Variants in MAP2K7 observed in about 807,000 individuals in gnomAD.
MAP2K7 encodes the protein mitogen-activated protein kinase kinase 7.
In MAP2K7, 12 loss-of-function variants were observed where a neutral mutation model predicts 47.7. The ratio of observed to expected loss-of-function variants is 0.25; its 90% CI spans 0.16 to 0.41. The LOEUF is 0.41. Ranked by LOEUF, MAP2K7 falls within the 10% of genes least tolerant of loss-of-function variation. The probability of loss-of-function intolerance (pLI) is 1.00; values close to 1 mark genes in which losing one functional copy is unlikely to be tolerated. For synonymous variants in MAP2K7, 299 were observed against 243.0 expected (o/e 1.23, Z -2.14); for missense variants, 415 against 600.3 (o/e 0.69, Z 3.23).
Position 7,912,411 on chromosome 19 carries a change from C to T in MAP2K7, c.1240C>T (p.His414Tyr), listed in dbSNP as rs776620038. The change falls in exon 11 of 11, where the codon CAC becomes TAC. Residue 414 changes from histidine to tyrosine, a missense_variant. Physicochemically the swap from His to Tyr is moderately conservative, Grantham distance 83. Around this residue, in one of 3 missense-constraint regions of MAP2K7, gnomAD observed 94 missense variants for 105.2 expected, o/e 0.89. Transcript: ENST00000397979. Reference sequence around the variant, plus strand: ...GACTAGCGGCGTCCTGAGCCAGCCCCACCTGCCCTTCTTCAGGTAGCTGCT... The same window carrying T: ...GACTAGCGGCGTCCTGAGCCAGCCCTACCTGCCCTTCTTCAGGTAGCTGCT... ...PRTSGVLSQPHLPFFR is the reference protein window; with the variant it reads ...PRTSGVLSQPYLPFFR 2 of 1,612,468 alleles carry T rather than the reference C, an allele frequency of 1.2e-6. No individual in the cohort carries two copies. The highest frequency in any genetic ancestry group is 1.1e-5 in the South Asian group (1 of 91,078).
In MAP2K7 at chr19:7,913,956, T is replaced by A. The variant is rs749435443; in HGVS notation, c.*1525T>A. On this transcript the variant is annotated 3_prime_UTR_variant, in exon 11 of 11. Transcript: ENST00000397979. ...TGTTTAAAAAGTCATAGATGTCATC[T>A]TCTCTCTGCCCCCAGGGAGGAAAGC... The A allele has an allele frequency of 6.6e-6, 1 of 152,322 alleles. No homozygotes were observed. The allele number at this position is 152,322 out of a possible 1,614,324, so 9.4% of individuals were successfully genotyped here.
In MAP2K7 at chr19:7,910,571, A is replaced by G. The variant is rs199553372; in HGVS notation, c.566A>G (p.Asn189Ser). The change falls in exon 5 of 11, where the codon AAC becomes AGC. Residue 189 changes from asparagine (N) to serine (S), a missense_variant and splice_region_variant. By Grantham distance (46) the Asn-to-Ser change is conservative. This residue lies in a region of MAP2K7 where 206 missense variants were observed against 368.8 expected (regional missense o/e 0.56). Transcript: ENST00000397979. ...IVQCFGTFIT[N>S]TDVFIAMELM... Reference sequence around the variant, plus strand: ...CAGTGCTTTGGGACGTTCATCACCAACGTGAGTACCTGGCCGCGCCCTGCA... The same window carrying G: ...CAGTGCTTTGGGACGTTCATCACCAGCGTGAGTACCTGGCCGCGCCCTGCA... 1.1e-4 allele frequency: 185 copies of G among 1,613,358 alleles called. No homozygotes were observed. Among genetic ancestry groups the G allele is most frequent in the Non-Finnish European group, 1.6e-4 (183 of 1,179,958 alleles).
Position 7,909,908 on chromosome 19 carries a change from GC to G in MAP2K7, c.266+15del, listed in dbSNP as rs1568277313. 6.6e-7 allele frequency: 1 copy of G among 1,508,360 alleles called. No homozygotes were observed. The highest frequency in any genetic ancestry group is 2.2e-5 in the Admixed American group (1 of 45,158). 93.4% of individuals were successfully genotyped at this position (1,508,360 alleles called of 1,614,324 possible). On this transcript the variant is annotated intron_variant, in intron 2 of 10. Coordinates refer to ENST00000397979, the MANE Select transcript of MAP2K7 (RefSeq NM_145185.4). The stretch of plus-strand genomic sequence containing the variant: ...CGCAGCATGGAGAGGTGAGCCAGGG[GC>G]CCAGCAGGGTTGGGTGGGAAGCAGC...
rs777399503 is a variant in MAP2K7 at position 7,910,677 on chromosome 19, G to C, written c.568-19G>C. 1.2e-6 allele frequency: 2 copies of C among 1,606,748 alleles called. No individual in the cohort carries two copies. Among genetic ancestry groups the C allele is most frequent in the Non-Finnish European group, 1.7e-6 (2 of 1,175,568 alleles). On this transcript the variant is annotated intron_variant, in intron 5 of 10. Coordinates refer to ENST00000397979, the MANE Select transcript of MAP2K7 (RefSeq NM_145185.4). Reference sequence around the variant, plus strand: ...TGGGCCGGAAGACACAGCTCCCCCGGGTGCCCCTCTCCCTGCAGACGGACG... The same window carrying C: ...TGGGCCGGAAGACACAGCTCCCCCGCGTGCCCCTCTCCCTGCAGACGGACG...
rs1471062365 is a variant in MAP2K7 at position 7,914,001 on chromosome 19, GC to G, written c.*1574del. On this transcript the variant is annotated 3_prime_UTR_variant, in exon 11 of 11. Coordinates refer to ENST00000397979, the MANE Select transcript of MAP2K7 (RefSeq NM_145185.4). ...GAAAGCCACCTTCTCTTGCCCCTTG[GC>G]CCCTTTGTCAGGGGCCAGGGGTCTG... 2.0e-5 allele frequency: 3 copies of G among 151,914 alleles called. No individual in the cohort carries two copies. The East Asian group carries it at 5.8e-4, about 30-fold the overall frequency. 9.4% of individuals were successfully genotyped at this position (151,914 alleles called of 1,614,324 possible). A position where few individuals can be genotyped will look rare whatever the true frequency, so the allele number is the denominator to read the frequency against.
At chr19:7,904,851 C>T (rs934550560) in intron 1 of MAP2K7, among the ~76,000 whole-genome samples, 2 of 152,106 alleles carry the variant, frequency 1.3e-5, no homozygotes, top group African/African-American at 2.4e-5. Flanking sequence ...GATGGCTCCC[C>T]TTCCCTTCAC....
intron 1 of MAP2K7, chr19:7,906,090 G>A: frequency 3.6e-6 from 2 of 561,716 alleles, no homozygotes; most frequent in East Asian, 5.8e-5. Flanking sequence ...TGGACTCCCT[G>A]GAGGAGGAGG....
rs751828868 is a variant in MAP2K7 at position 7,910,754 on chromosome 19, G to A, written c.626G>A (p.Arg209Gln). 23 of 1,611,810 alleles carry A rather than the reference G, an allele frequency of 1.4e-5. No individual in the cohort carries two copies. The highest frequency in any genetic ancestry group is 1.2e-4 in the Admixed American group (7 of 59,906). The change falls in exon 6 of 11, where the codon CGG becomes CAG. Residue 209 changes from arginine to glutamine, a missense_variant. Coordinates refer to ENST00000397979, the MANE Select transcript of MAP2K7 (RefSeq NM_145185.4). ...ACCTGCGCTGAGAAGCTCAAGAAGC[G>A]GATGCAGGGCCCCATCCCCGAGCGC... is the stretch of plus-strand genomic sequence containing the variant. ...MGTCAEKLKK[R>Q]MQGPIPERIL...
intron 4 of MAP2K7, 25 bp from the exon 5 acceptor site, chr19:7,910,428 C>T (rs772722551): frequency 2.5e-6 from 4 of 1,603,132 alleles, no homozygotes; most frequent in Admixed American, 1.7e-5. Flanking sequence ...GGTGCTGAGG[C>T]TCCCTCCTGT....
At chr19:7,907,885 C>T (rs1445771943) in intron 1 of MAP2K7, among the ~76,000 whole-genome samples, 7 of 152,108 alleles carry the variant, frequency 4.6e-5, no homozygotes, top group Admixed American at 3.3e-4. Context: ...GAGCACAGGC[C>T]CTCGGGAGCC....
Position 7,911,060 on chromosome 19 carries a change from C to T in MAP2K7, c.756C>T (p.Asp252=), listed in dbSNP as rs550738307. 2.7e-5 allele frequency: 43 copies of T among 1,612,724 alleles called. No individual in the cohort carries two copies. The highest frequency in any genetic ancestry group is 1.0e-4 in the Admixed American group (6 of 60,018). Residue 252 remains aspartate, a synonymous_variant, in exon 7 of 11, where the codon GAC becomes GAT. Coordinates refer to ENST00000397979, the MANE Select transcript of MAP2K7 (RefSeq NM_145185.4). ...RDVKPSNILL[D]ERGQIKLCDF... ...TCAAGCCCTCCAACATCCTGCTGGACGAGCGGGGCCAGATCAAGCTCTGCG... is the reference window on the plus strand; with the variant it reads ...TCAAGCCCTCCAACATCCTGCTGGATGAGCGGGGCCAGATCAAGCTCTGCG...
At position 7,910,683 on chromosome 19, in the gene MAP2K7, C is replaced by T. The variant is rs185761361; in HGVS notation, c.568-13C>T. On this transcript the variant is annotated splice_polypyrimidine_tract_variant and intron_variant, in intron 5 of 10. Transcript: ENST00000397979. Reference sequence around the variant, plus strand: ...GGAAGACACAGCTCCCCCGGGTGCCCCTCTCCCTGCAGACGGACGTCTTCA... The same window carrying T: ...GGAAGACACAGCTCCCCCGGGTGCCTCTCTCCCTGCAGACGGACGTCTTCA... 2 of 1,607,078 alleles carry T rather than the reference C, an allele frequency of 1.2e-6. No individual in the cohort carries two copies. Among genetic ancestry groups the T allele is most frequent in the South Asian group, 1.1e-5 (1 of 90,744 alleles).
chr19:7,912,232 TGCGGAGGC>T (rs1363203171), intron 10 of MAP2K7, 38 bp downstream of exon 10: 22 of 1,613,604 alleles, frequency 1.4e-5, no homozygotes, highest in Non-Finnish European at 1.9e-5. Flanking sequence ...GTCCTGTCCC[TGCGGAGGC>T]GCGAGGCCAG....
intron 1 of MAP2K7, among the ~76,000 whole-genome samples, chr19:7,908,042 A>G (rs1250851150): frequency 4.6e-5 from 7 of 151,930 alleles, no homozygotes; most frequent in African/African-American, 1.2e-4. Flanking sequence ...GCGTGTACCT[A>G]TAATCCCAGC....
chr19:7,903,899 C>G lies in MAP2K7; in HGVS notation c.-46C>G. On this transcript the variant is annotated 5_prime_UTR_variant, in exon 1 of 11. Coordinates refer to ENST00000397979, the MANE Select transcript of MAP2K7 (RefSeq NM_145185.4). ...CGCAGTGCGGTGTTTGTCTGCCGGA[C>G]TGACGGGCGGCCGGGCGGTGCGCGG... 2.1e-6 allele frequency: 3 copies of G among 1,428,350 alleles called. No homozygotes were observed. The highest frequency in any genetic ancestry group is 2.8e-6 in the Non-Finnish European group (3 of 1,075,140). The allele number at this position is 1,428,350 out of a possible 1,614,324, so 88.5% of individuals were successfully genotyped here.
chr19:7,906,913 C>G (rs1024504964), intron 1 of MAP2K7: 2 of 151,300 alleles, frequency 1.3e-5, no homozygotes, highest in African/African-American at 2.5e-5. Context: ...CCCAGCTACT[C>G]GGGAGGCTGT....
chr19:7,911,200 G>A, intron 7 of MAP2K7, 41 bp downstream of exon 7: 1 of 1,608,042 alleles, frequency 6.2e-7, no homozygotes, highest in Non-Finnish European at 8.5e-7. Flanking sequence ...GTGGGGGCTG[G>A]GAGGCCGGCC....
rs3066695 is a variant in MAP2K7, at chr19:7,913,043, G to GCTCTCTCT, written c.*631_*638dup. ...CGGCTGGACGGGGCTGCGCGCTCGC[G>GCTCTCTCT]CTCTCTCTCTCTCTCTCTCTCTCTC... is the stretch of plus-strand genomic sequence containing the variant. On this transcript the variant is annotated 3_prime_UTR_variant, in exon 11 of 11. Transcript: ENST00000397979. 0.021 allele frequency: 3,217 copies of GCTCTCTCT among 150,150 alleles called. 51 individuals are homozygous for GCTCTCTCT. Among genetic ancestry groups the GCTCTCTCT allele is most frequent in the East Asian group, 0.042 (212 of 5,026 alleles). The allele number at this position is 150,150 out of a possible 1,614,324, so 9.3% of individuals were successfully genotyped here.
chr19:7,910,865 G>C, intron 6 of MAP2K7, 62 bp downstream of exon 6: 2 of 1,568,080 alleles, frequency 1.3e-6, no homozygotes, highest in Non-Finnish European at 1.7e-6. Context: ...GACCAGGCGG[G>C]GCGTGCACTG....
Sources: gnomAD v4.1 joint callset for allele counts (sites outside exome capture counted in the v4.1 genomes callset) on GRCh38, gnomAD v4.1.1 for gene constraint, gnomAD v4.1.1 regional missense constraint, MANE v1.5 for transcripts, NCBI Gene and HGNC (gene_info 2026-07-23, HGNC 2026-07-21) for gene names.